Variants in BACE2 observed in about 807,000 individuals in gnomAD.
BACE2 encodes the protein beta-secretase 2.
A neutral mutation model predicts 46.2 loss-of-function variants in BACE2; 17 were observed. That is an observed-to-expected ratio of 0.37 (90% CI 0.25 to 0.55). The LOEUF is 0.55. Ranked by LOEUF, BACE2 falls within the 20% of genes least tolerant of loss-of-function variation. The probability of loss-of-function intolerance (pLI) is 0.82; values close to 1 mark genes in which losing one functional copy is unlikely to be tolerated. For synonymous variants in BACE2, 277 were observed against 295.9 expected, an observed-to-expected ratio of 0.94 and a Z score of 0.66; for missense variants, 595 against 698.1, an observed-to-expected ratio of 0.85 and a Z score of 1.66.
intron 2 of BACE2, among the ~76,000 whole-genome samples, chr21:41,231,927 C>G (rs974935479): frequency 2.0e-5 from 3 of 152,078 alleles, no homozygotes; most frequent in Non-Finnish European, 4.4e-5. Flanking sequence ...AATAATAACC[C>G]CTAGAGTCAC....
rs574164966 is a variant in BACE2 at position 41,185,851 on chromosome 21, C to G, written c.312+17276C>G. 3.3e-5 allele frequency among the ~76,000 whole-genome samples: 5 copies of G among 152,314 alleles called. No individual in the cohort carries two copies. The South Asian group carries it at 1.0e-3, about 32-fold the overall frequency. On this transcript the variant is annotated intron_variant, in intron 1 of 8. Transcript: ENST00000330333. ...CATAGAACAACGTGACAACGTGACTCTGGTATCCCAGAGTCAACACAACAG... is the reference window on the plus strand; with the variant it reads ...CATAGAACAACGTGACAACGTGACTGTGGTATCCCAGAGTCAACACAACAG...
chr21:41,237,146 T>C (rs1289107281), intron 2 of BACE2, among the ~76,000 whole-genome samples: 1 of 152,136 alleles, frequency 6.6e-6, no homozygotes, highest in Non-Finnish European at 1.5e-5. Flanking sequence ...CATGGATACA[T>C]AAGAGAATGC....
At chr21:41,244,137 C>A (rs1170894885) in intron 5 of BACE2, among the ~76,000 whole-genome samples, 1 of 152,190 alleles carries the variant, frequency 6.6e-6, no homozygotes, top group Non-Finnish European at 1.5e-5. Flanking sequence ...GAGCCTCAGT[C>A]TTCTATAGCA....
chr21:41,223,370 C>T (rs901542934), intron 1 of BACE2, among the ~76,000 whole-genome samples: 2 of 151,834 alleles, frequency 1.3e-5, no homozygotes, highest in East Asian at 1.9e-4. Flanking sequence ...AAAAAAAACC[C>T]CAGGAATGTA....
intron 1 of BACE2, among the ~76,000 whole-genome samples, chr21:41,216,882 G>T (rs376093540): frequency 2.0e-4 from 31 of 152,336 alleles, no homozygotes; most frequent in African/African-American, 7.5e-4. Flanking sequence ...GATGGACAGT[G>T]GGCACAGGGA....
chr21:41,223,260 G>T (rs1054668639), intron 1 of BACE2, among the ~76,000 whole-genome samples: 2 of 151,952 alleles, frequency 1.3e-5, no homozygotes, highest in Non-Finnish European at 2.9e-5. Context: ...GGAGGCTGAG[G>T]TGAGAGGATC....
chr21:41,225,229 A>G (rs1276556179), intron 1 of BACE2, among the ~76,000 whole-genome samples: 1 of 143,176 alleles, frequency 7.0e-6, no homozygotes, highest in African/African-American at 2.6e-5. Context: ...GCGAGACTCC[A>G]TCTCAAAAAA....
chr21:41,216,585 G>A (rs1044569223), intron 1 of BACE2, among the ~76,000 whole-genome samples: 4 of 152,220 alleles, frequency 2.6e-5, no homozygotes, highest in Admixed American at 6.5e-5. Flanking sequence ...AGGCAGGACC[G>A]GGTCTGGGCG....
At chr21:41,223,812 A>G (rs971342922) in intron 1 of BACE2, among the ~76,000 whole-genome samples, 4 of 152,214 alleles carry the variant, frequency 2.6e-5, no homozygotes, top group African/African-American at 7.2e-5. Flanking sequence ...CCCAGAGTGC[A>G]TGCGCAGCCC....
chr21:41,176,928 G>T (rs1484089874), intron 1 of BACE2: 1 of 152,214 alleles, frequency 6.6e-6, no homozygotes, highest in African/African-American at 2.4e-5. Context: ...TGGTCCCACG[G>T]TTTCTGAAGC....
chr21:41,245,032 C>T (rs1033394248), intron 5 of BACE2, among the ~76,000 whole-genome samples: 75 of 151,714 alleles, frequency 4.9e-4, no homozygotes, highest in African/African-American at 1.5e-3. Flanking sequence ...CTTAGCGCAA[C>T]ATTTCAGTTT....
At chr21:41,222,695 G>A (rs1422868373) in intron 1 of BACE2, among the ~76,000 whole-genome samples, 1 of 152,232 alleles carries the variant, frequency 6.6e-6, no homozygotes. Flanking sequence ...TTGGAAGTAG[G>A]CCTAGGAAGG....
intron 8 of BACE2, among the ~76,000 whole-genome samples, chr21:41,270,141 TG>T (rs1196656031): frequency 6.6e-6 from 1 of 152,240 alleles, no homozygotes; most frequent in Non-Finnish European, 1.5e-5. Context: ...TCTTTTTAAA[TG>T]AAATGTCTTT....
At chr21:41,210,344 A>T (rs1298889047) in intron 1 of BACE2, among the ~76,000 whole-genome samples, 1 of 152,178 alleles carries the variant, frequency 6.6e-6, no homozygotes, top group Non-Finnish European at 1.5e-5. Flanking sequence ...TTTATGGTTT[A>T]GGCACAACGG....
chr21:41,254,509 G>T (rs112979098), intron 7 of BACE2, among the ~76,000 whole-genome samples: 9 of 152,284 alleles, frequency 5.9e-5, no homozygotes, highest in South Asian at 2.1e-4. Flanking sequence ...TCACAGGAAG[G>T]TTCGTTTTCT....
rs1182760801 is a variant in BACE2, at chr21:41,250,991, A to G, written c.1134+90A>G. On this transcript the variant is annotated intron_variant, in intron 7 of 8. Transcript: ENST00000330333. ...CACGTGTATTAGATGTCACACCTGC[A>G]TTAGATCTCTATCACCACAATAATG... 4.0e-6 allele frequency: 5 copies of G among 1,236,696 alleles called. No individual in the cohort carries two copies. In the African/African-American group the frequency reaches 4.4e-5, roughly 11 times the overall value. The allele number at this position is 1,236,696 out of a possible 1,614,324, so 76.6% of individuals were successfully genotyped here.
At chr21:41,187,243 A>G (rs913217261) in intron 1 of BACE2, among the ~76,000 whole-genome samples, 4 of 152,150 alleles carry the variant, frequency 2.6e-5, no homozygotes, top group African/African-American at 4.8e-5. Flanking sequence ...CCTCCTGCCA[A>G]CCGTGGGTGG....
chr21:41,264,214 CTT>C (rs888446773), intron 8 of BACE2, among the ~76,000 whole-genome samples: 1 of 146,478 alleles, frequency 6.8e-6, no homozygotes, highest in East Asian at 2.0e-4. Flanking sequence ...GTTTGGGGGT[CTT>C]TTTTTTTTCT....
At chr21:41,244,075 G>A (rs1221548007) in intron 5 of BACE2, among the ~76,000 whole-genome samples, 2 of 152,156 alleles carry the variant, frequency 1.3e-5, no homozygotes, top group Admixed American at 1.3e-4. Flanking sequence ...TTCTCACTGA[G>A]TTCTGGCTTG....
Sources: gnomAD v4.1 joint callset for allele counts (sites outside exome capture counted in the v4.1 genomes callset) on GRCh38, gnomAD v4.1.1 for gene constraint, MANE v1.5 for transcripts, NCBI Gene and HGNC (gene_info 2026-07-23, HGNC 2026-07-21) for gene names.